ZFPM2: variants seen among roughly 807,000 people sequenced by gnomAD.
ZFPM2 encodes the protein zinc finger protein ZFPM2.
In ZFPM2, 20 loss-of-function variants were observed where a neutral mutation model predicts 98.6. The ratio of observed to expected loss-of-function variants is 0.20; its 90% CI spans 0.14 to 0.29. The LOEUF (loss-of-function observed/expected upper bound fraction) is 0.29, where lower values mean the gene tolerates loss of function less well. Among genes scored for constraint, ZFPM2 ranks in the 10% least tolerant of loss-of-function variants. The pLI is 1.00. For missense variants in ZFPM2, 1,310 were observed against 1,388.6 expected (o/e 0.94, Z 0.90); for synonymous variants, 518 against 502.7 (o/e 1.03, Z -0.41).
chr8:105,395,943 C>T (rs1388421858), intron 1 of ZFPM2, among the ~76,000 whole-genome samples: 1 of 152,224 alleles, frequency 6.6e-6, no homozygotes, highest in Non-Finnish European at 1.5e-5. Flanking sequence ...CATATTACGA[C>T]TTCTGAGACT....
chr8:105,398,295 T>A (rs560002808), intron 1 of ZFPM2, among the ~76,000 whole-genome samples: 1 of 152,194 alleles, frequency 6.6e-6, no homozygotes, highest in Admixed American at 6.5e-5. Flanking sequence ...TCAGCATTCC[T>A]CTGAAACAGA....
chr8:105,380,649 A>ATATATATATTATATATAACATATATAT (rs1810838329), intron 1 of ZFPM2, among the ~76,000 whole-genome samples: 2 of 31,106 alleles, frequency 6.4e-5, no homozygotes, highest in Non-Finnish European at 1.0e-4. Flanking sequence ...TATATATTAT[A>ATATATATATTATATATAACATATATAT]TATATATATT....
intron 5 of ZFPM2, among the ~76,000 whole-genome samples, chr8:105,759,874 A>C (rs1406502293): frequency 6.6e-6 from 1 of 151,974 alleles, no homozygotes; most frequent in Non-Finnish European, 1.5e-5. Flanking sequence ...TACATTTAAC[A>C]AATATTTATT....
At chr8:105,523,329 A>G (rs1238893384) in intron 3 of ZFPM2, among the ~76,000 whole-genome samples, 1 of 152,200 alleles carries the variant, frequency 6.6e-6, no homozygotes, top group Non-Finnish European at 1.5e-5. Flanking sequence ...ATATCACTTG[A>G]TGTCTATTAG....
chr8:105,802,129 G>C lies in ZFPM2; in HGVS notation c.2047G>C (p.Asp683His), dbSNP rs752850635. Residue 683 changes from aspartate (D) to histidine (H), a missense_variant, in exon 8 of 8, where the codon GAC (aspartate) becomes CAC (histidine). Coordinates refer to ENST00000407775, the MANE Select transcript of ZFPM2 (RefSeq NM_012082.4). ...PSVPLVDGESDPNKTTCEACN... is the reference protein window; with the variant it reads ...PSVPLVDGESHPNKTTCEACN... ...TGTCCCCTTAGTGGATGGGGAAAGT[G>C]ACCCAAATAAGACTACCTGTGAAGC... is the stretch of plus-strand genomic sequence containing the variant. 5 of 1,613,822 alleles carry C rather than the reference G, an allele frequency of 3.1e-6. No individual in the cohort carries two copies. The Admixed American group carries it at 5.0e-5, about 16-fold the overall frequency.
intron 4 of ZFPM2, among the ~76,000 whole-genome samples, chr8:105,590,000 G>A (rs1815807872): frequency 6.6e-6 from 1 of 152,198 alleles, no homozygotes; most frequent in Non-Finnish European, 1.5e-5. Context: ...GATTACAGGT[G>A]TGAGCCACTG....
chr8:105,598,680 G>T (rs1248142991), intron 4 of ZFPM2, among the ~76,000 whole-genome samples: 2 of 151,826 alleles, frequency 1.3e-5, no homozygotes, highest in Admixed American at 6.6e-5. Flanking sequence ...TTCTACATTT[G>T]CCTCCTTGTT....
chr8:105,493,685 C>T (rs1813400285), intron 3 of ZFPM2, among the ~76,000 whole-genome samples: 1 of 152,188 alleles, frequency 6.6e-6, no homozygotes, highest in African/African-American at 2.4e-5. Flanking sequence ...ACTTTAAACT[C>T]TTAATATGTC....
At chr8:105,589,030 A>G (rs1228617515) in intron 4 of ZFPM2, among the ~76,000 whole-genome samples, 1 of 152,232 alleles carries the variant, frequency 6.6e-6, no homozygotes, top group East Asian at 1.9e-4. Flanking sequence ...AACTCAAAAC[A>G]TGTTACAAAG....
At chr8:105,589,809 C>T (rs76850439) in intron 4 of ZFPM2, among the ~76,000 whole-genome samples, 1 of 152,064 alleles carries the variant, frequency 6.6e-6, no homozygotes, top group Non-Finnish European at 1.5e-5. Flanking sequence ...AGTTCCAACT[C>T]CCCCCGGGTT....
At chr8:105,791,259 C>G (rs368076722) in intron 6 of ZFPM2, among the ~76,000 whole-genome samples, 2 of 151,856 alleles carry the variant, frequency 1.3e-5, no homozygotes, top group African/African-American at 4.8e-5. Flanking sequence ...TTTTGAGATA[C>G]GTCCCATCAA....
chr8:105,600,553 C>T (rs1334499519), intron 4 of ZFPM2, among the ~76,000 whole-genome samples: 1 of 151,816 alleles, frequency 6.6e-6, no homozygotes, highest in Admixed American at 6.6e-5. Context: ...CATGAATTTG[C>T]TAACTTATTT....
intron 5 of ZFPM2, among the ~76,000 whole-genome samples, chr8:105,763,035 T>C (rs912581922): frequency 6.6e-6 from 1 of 150,592 alleles, no homozygotes; most frequent in Non-Finnish European, 1.5e-5. Context: ...AAATAACATA[T>C]CAATCATGAT....
chr8:105,427,761 G>T (rs1811943901), intron 2 of ZFPM2, among the ~76,000 whole-genome samples: 1 of 152,166 alleles, frequency 6.6e-6, no homozygotes, highest in African/African-American at 2.4e-5. Flanking sequence ...AACTGAATAT[G>T]TTGCACCAAT....
intron 5 of ZFPM2, among the ~76,000 whole-genome samples, chr8:105,688,447 T>G (rs1316936762): frequency 6.6e-6 from 1 of 152,092 alleles, no homozygotes; most frequent in African/African-American, 2.4e-5. Flanking sequence ...CAAAAATTAT[T>G]TGACACTAGT....
chr8:105,660,505 T>C (rs1817367196), intron 5 of ZFPM2, among the ~76,000 whole-genome samples: 1 of 152,190 alleles, frequency 6.6e-6, no homozygotes, highest in African/African-American at 2.4e-5. Context: ...GGAAGTATCA[T>C]ACATGTGTAA....
chr8:105,510,669 A>C (rs1813799327), intron 3 of ZFPM2, among the ~76,000 whole-genome samples: 1 of 152,146 alleles, frequency 6.6e-6, no homozygotes, highest in African/African-American at 2.4e-5. Context: ...AGGTTGCAAA[A>C]CACCTCTGAC....
At chr8:105,483,314 G>T (rs551329162) in intron 3 of ZFPM2, among the ~76,000 whole-genome samples, 1 of 152,060 alleles carries the variant, frequency 6.6e-6, no homozygotes, top group Admixed American at 6.6e-5. Flanking sequence ...GTTGAGCTGG[G>T]TGTGGTGGCT....
intron 5 of ZFPM2, among the ~76,000 whole-genome samples, chr8:105,663,370 A>T (rs1245335246): frequency 6.6e-6 from 1 of 152,218 alleles, no homozygotes; most frequent in Non-Finnish European, 1.5e-5. Flanking sequence ...TTGACCCAAC[A>T]CACCACTTGG....
Sources: gnomAD v4.1 joint callset for allele counts (sites outside exome capture counted in the v4.1 genomes callset) on GRCh38, gnomAD v4.1.1 for gene constraint, MANE v1.5 for transcripts, NCBI Gene and HGNC (gene_info 2026-07-23, HGNC 2026-07-21) for gene names.